The following STX1A variants were observed in gnomAD, a reference collection of about 807,000 sequenced individuals.
STX1A encodes the protein syntaxin 1A.
Under a neutral mutation model 37.8 loss-of-function variants are expected in STX1A, and 4 were observed. The observed-to-expected ratio is 0.11, with a 90% CI of 0.05 to 0.24. STX1A has a LOEUF of 0.24. Among genes scored for constraint, STX1A ranks in the 10% least tolerant of loss-of-function variants. The pLI is 1.00. For synonymous variants in STX1A, 135 were observed against 147.4 expected, an observed-to-expected ratio of 0.92 and a Z score of 0.61; for missense variants, 251 against 399.9, an observed-to-expected ratio of 0.63 and a Z score of 3.18.
chr7:73,705,021 C>T lies in STX1A; in HGVS notation c.283+129G>A, dbSNP rs1798819666. 1.1e-6 allele frequency: 1 copy of T among 914,762 alleles called. No individual in the cohort carries two copies. The highest frequency in any genetic ancestry group is 1.8e-6 in the Non-Finnish European group (1 of 563,408). The allele number at this position is 914,762 out of a possible 1,614,324, so 56.7% of individuals were successfully genotyped here. ...CAAGTAGCTGCTGAGTGAATGGGCA[C>T]ATGACGCCACCCTCAGAAAGGAAAG... On this transcript the variant is annotated intron_variant, in intron 4 of 9. Transcript: ENST00000222812. The surrounding 1 kb of genome is among the most constrained non-coding windows in gnomAD (Gnocchi z 5.2).
intron 1 of STX1A, among the ~76,000 whole-genome samples, chr7:73,715,282 C>T (rs1426077776): frequency 9.3e-5 from 14 of 151,000 alleles, no homozygotes; most frequent in African/African-American, 2.9e-4. Context: ...ATTAGCCGGG[C>T]ATGGTGATGC....
chr7:73,712,192 C>T (rs1554618058), intron 1 of STX1A, among the ~76,000 whole-genome samples: 1 of 152,082 alleles, frequency 6.6e-6, no homozygotes, highest in Non-Finnish European at 1.5e-5. Flanking sequence ...GCCACAGCTC[C>T]AAGCAAAACC....
intron 3 of STX1A, among the ~76,000 whole-genome samples, chr7:73,707,922 A>C (rs1368218835): frequency 1.3e-4 from 20 of 148,674 alleles, no homozygotes; most frequent in Non-Finnish European, 2.7e-4. Context: ...GTGACAGAGC[A>C]AGACTCCGTC....
chr7:73,704,200 C>T lies in STX1A; in HGVS notation c.414G>A (p.Gln138=). The change falls in exon 6 of 10, where the codon CAG becomes CAA. Residue 138 remains glutamine, a synonymous_variant. Transcript: ENST00000222812. Reference sequence around the variant, plus strand: ...CTTTGCAGCGCTCGCGGTAGTCGGACTGCGTGGCGTTGTACTCCGACATGA... The same window carrying T: ...CTTTGCAGCGCTCGCGGTAGTCGGATTGCGTGGCGTTGTACTCCGACATGA... ...VEVMSEYNAT[Q]SDYRERCKGR... 1 of 1,613,628 alleles carries T rather than the reference C, an allele frequency of 6.2e-7. No homozygotes were observed. Among genetic ancestry groups the T allele is most frequent in the South Asian group, 1.1e-5 (1 of 91,078 alleles).
chr7:73,706,595 C>T lies in STX1A; in HGVS notation c.209-1371G>A, dbSNP rs1454776738. Among the ~76,000 whole-genome samples the T allele has an allele frequency of 2.6e-5, 4 of 152,156 alleles. No individual in the cohort carries two copies. The East Asian group carries it at 7.7e-4, about 29-fold the overall frequency. On this transcript the variant is annotated intron_variant, in intron 3 of 9. Coordinates refer to ENST00000222812, the MANE Select transcript of STX1A (RefSeq NM_004603.4). The surrounding 1 kb of genome is among the most constrained non-coding windows in gnomAD (Gnocchi z 4.6). The stretch of plus-strand genomic sequence containing the variant: ...AACCGGTCCCTATGACTGTGCATGA[C>T]ACCGCAGCAGGAGACGGTGCAGGAG...
intron 6 of STX1A, 101 bp downstream of exon 6, chr7:73,704,047 C>A (rs1038726015): frequency 3.0e-6 from 4 of 1,343,890 alleles, no homozygotes; most frequent in South Asian, 1.4e-5. Context: ...CCGCCTCGGG[C>A]CCCTAACTAA....
At position 73,702,933 on chromosome 7, in the gene STX1A, G is replaced by A. The variant is rs1430272820; in HGVS notation, c.590C>T (p.Thr197Met). The change falls in exon 8 of 10, where the codon ACG becomes ATG. Residue 197 changes from threonine (T) to methionine (M), a missense_variant. This residue lies in a region of STX1A where 214 missense variants were observed against 367.6 expected (regional missense o/e 0.58). Transcript: ENST00000222812. This position sits in a 1 kb window ranked among gnomAD's most constrained non-coding sequence, Gnocchi z 4.7. Reference sequence around the variant, plus strand: ...CAGCTTGATGATCTCACTGTGCCGCGTCTCAATCTCGCTCAGAGCCTGCTT... The same window carrying A: ...CAGCTTGATGATCTCACTGTGCCGCATCTCAATCTCGCTCAGAGCCTGCTT... ...ISKQALSEIE[T>M]RHSEIIKLEN... 8.1e-6 allele frequency: 13 copies of A among 1,613,058 alleles called. No homozygotes were observed. Among genetic ancestry groups the A allele is most frequent in the Admixed American group, 3.3e-5 (2 of 59,958 alleles).
chr7:73,702,697 T>C lies in STX1A; in HGVS notation c.678+148A>G. ...AGGGACCTTCGGGTCGGCAGGGCCC[T>C]GGCGGCAGTTTCAACAGCGGGTGAT... On this transcript the variant is annotated intron_variant, in intron 8 of 9. Coordinates refer to ENST00000222812, the MANE Select transcript of STX1A (RefSeq NM_004603.4). This position sits in a 1 kb window ranked among gnomAD's most constrained non-coding sequence, Gnocchi z 4.7. The C allele has an allele frequency of 4.0e-6, 6 of 1,511,640 alleles. No homozygotes were observed. The highest frequency in any genetic ancestry group is 5.3e-6 in the Non-Finnish European group (6 of 1,125,826). The allele number at this position is 1,511,640 out of a possible 1,614,324, so 93.6% of individuals were successfully genotyped here.
intron 1 of STX1A, 54 bp downstream of exon 1, chr7:73,719,548 C>A (rs1366853040): frequency 1.7e-6 from 2 of 1,200,840 alleles, no homozygotes; most frequent in Non-Finnish European, 2.1e-6. Context: ...AAGTGTCCGG[C>A]GCGTTGGCGC....
At chr7:73,708,986 G>T in intron 2 of STX1A, 59 bp downstream of exon 2, 1 of 1,587,382 alleles carries the variant, frequency 6.3e-7, no homozygotes, top group South Asian at 1.1e-5. Context: ...GCTCAGAGGC[G>T]AGAGTGGCCC....
intron 6 of STX1A, 64 bp downstream of exon 6, chr7:73,704,084 C>T (rs1163475591): frequency 1.5e-5 from 23 of 1,505,234 alleles, no homozygotes; most frequent in Non-Finnish European, 2.0e-5. Flanking sequence ...ACGCACTCAG[C>T]AGCAGACTCG....
At position 73,703,824 on chromosome 7, in the gene STX1A, G is replaced by A; in HGVS notation, c.471C>T (p.Gly157=). ...GRIQRQLEIT[G]RTTTSEELED... is the part of the protein sequence containing the mutation. ...CCAGCTCCTCACTGGTCGTGGTCCT[G>A]CCGGCTGCAAGCGAGTGGGGTCACA... Residue 157 remains glycine (G), a synonymous_variant, in exon 7 of 10, where the codon GGC becomes GGT. Coordinates refer to ENST00000222812, the MANE Select transcript of STX1A (RefSeq NM_004603.4). The A allele has an allele frequency of 6.2e-7, 1 of 1,613,514 alleles. No homozygotes were observed. The highest frequency in any genetic ancestry group is 8.5e-7 in the Non-Finnish European group (1 of 1,179,814).
intron 7 of STX1A, 60 bp from the exon 8 acceptor site, chr7:73,703,042 C>CG: frequency 3.5e-6 from 2 of 577,560 alleles, no homozygotes; most frequent in Non-Finnish European, 4.6e-6. Context: ...GGCAGAGGGC[C>CG]GAGGGGGAGG....
Position 73,702,545 on chromosome 7 carries a change from GA to G in STX1A, c.678+299del, listed in dbSNP as rs1430116227. ...CACTGCTATGCCTTCAGTCTCTGGG[GA>G]AATGCGTGGCCCACAGTGGCCCCAT... On this transcript the variant is annotated intron_variant, in intron 8 of 9. Transcript: ENST00000222812. The surrounding 1 kb of genome is among the most constrained non-coding windows in gnomAD (Gnocchi z 4.7). The G allele has an allele frequency of 9.0e-5, 67 of 744,224 alleles. No individual in the cohort carries two copies. The highest frequency in any genetic ancestry group is 1.3e-4 in the Non-Finnish European group (63 of 485,944). 46.1% of individuals were successfully genotyped at this position (744,224 alleles called of 1,614,324 possible).
chr7:73,704,600 TGACG>T (rs1798802709), intron 4 of STX1A, 177 bp from the exon 5 acceptor site: 2 of 717,218 alleles, frequency 2.8e-6, no homozygotes, highest in Admixed American at 4.7e-5. Flanking sequence ...CTTCCAGCTG[TGACG>T]CTGTGTGGTG....
At chr7:73,713,295 G>A (rs1037943106) in intron 1 of STX1A, among the ~76,000 whole-genome samples, 2 of 152,252 alleles carry the variant, frequency 1.3e-5, no homozygotes, top group African/African-American at 2.4e-5. Context: ...ATAAGGACGC[G>A]GGATGGCAGA....
Position 73,709,224 on chromosome 7 carries a change from T to G in STX1A, c.31-102A>C. 1 of 1,154,938 alleles carries G rather than the reference T, an allele frequency of 8.7e-7. No homozygotes were observed. The highest frequency in any genetic ancestry group is 1.3e-6 in the Non-Finnish European group (1 of 790,078). The allele number at this position is 1,154,938 out of a possible 1,614,324, so 71.5% of individuals were successfully genotyped here. On this transcript the variant is annotated intron_variant, in intron 1 of 9. Transcript: ENST00000222812. This position sits in a 1 kb window ranked among gnomAD's most constrained non-coding sequence, Gnocchi z 4.2. ...CGCCAGGGCCCTGCCCCTCCCCCTCTCCCTGGGGGCCTCTGGGCAGGGACA... is the reference window on the plus strand; with the variant it reads ...CGCCAGGGCCCTGCCCCTCCCCCTCGCCCTGGGGGCCTCTGGGCAGGGACA...
intron 3 of STX1A, among the ~76,000 whole-genome samples, chr7:73,708,262 CA>C (rs1157786155): frequency 0.19 from 9,582 of 49,684 alleles, 159 homozygotes; most frequent in African/African-American, 0.22. Context: ...GACTCCATCT[CA>C]AAAAAAAAAA....
At chr7:73,703,501 G>A (rs1230098376) in intron 7 of STX1A, 7 of 684,258 alleles carry the variant, frequency 1.0e-5, no homozygotes, top group African/African-American at 1.8e-5. Context: ...CGGATAAGAG[G>A]AGGAGCCGCT....
Sources: gnomAD v4.1 joint callset for allele counts (sites outside exome capture counted in the v4.1 genomes callset) on GRCh38, gnomAD v4.1.1 for gene constraint, gnomAD v4.1.1 regional missense constraint, Gnocchi (gnomAD v3.1) non-coding constraint, MANE v1.5 for transcripts, NCBI Gene and HGNC (gene_info 2026-07-23, HGNC 2026-07-21) for gene names.